ANXA8: variants seen among roughly 807,000 people sequenced by gnomAD.
The protein encoded by ANXA8 is VAC-beta.
ANXA8 carries 9 observed loss-of-function variants against 26.8 expected under a neutral mutation model. The ratio of observed to expected loss-of-function variants is 0.34; its 90% CI spans 0.20 to 0.59. The LOEUF (loss-of-function observed/expected upper bound fraction) is 0.59, where lower values mean the gene tolerates loss of function less well. ANXA8 is among the 20% of genes least tolerant of loss of function. The pLI is 0.84. For synonymous variants in ANXA8, 39 were observed against 94.8 expected, an observed-to-expected ratio of 0.41 and a Z score of 3.42; for missense variants, 83 against 238.5, an observed-to-expected ratio of 0.35 and a Z score of 4.29.
the ANXA8 span, among the ~76,000 whole-genome samples, chr10:47,513,126 C>T: frequency 1.3e-5 from 2 of 148,320 alleles, no homozygotes; most frequent in East Asian, 2.3e-4. Context: ...CCTCTGCCTC[C>T]GAGGTTCAAG....
At chr10:47,984,489 GTTC>G in the ANXA8 span, among the ~76,000 whole-genome samples, 3 of 121,930 alleles carry the variant, frequency 2.5e-5, no homozygotes, top group Non-Finnish European at 5.3e-5. Context: ...CACAATGTGT[GTTC>G]TTCTATTACA....
At chr10:47,722,953 TAA>T in the ANXA8 span, among the ~76,000 whole-genome samples, 1 of 138,782 alleles carries the variant, frequency 7.2e-6, no homozygotes, top group Non-Finnish European at 1.6e-5. Flanking sequence ...GATTGGTAGG[TAA>T]AGAGAGAGCA....
At chr10:47,716,385 C>T in the ANXA8 span, among the ~76,000 whole-genome samples, 1 of 105,314 alleles carries the variant, frequency 9.5e-6, no homozygotes, top group Non-Finnish European at 1.8e-5. Context: ...TATTATATGA[C>T]AAGTGGGAGC....
chr10:47,728,849 G>A, the ANXA8 span, among the ~76,000 whole-genome samples: 1 of 152,260 alleles, frequency 6.6e-6, no homozygotes, highest in African/African-American at 2.4e-5. Context: ...CTGCCTCCTG[G>A]ATTCAAGCAA....
chr10:47,609,164 A>G, the ANXA8 span, among the ~76,000 whole-genome samples: 2 of 144,380 alleles, frequency 1.4e-5, no homozygotes, highest in Non-Finnish European at 3.0e-5. Context: ...ATAATGCTTT[A>G]TTTCAAAGAA....
the ANXA8 span, among the ~76,000 whole-genome samples, chr10:47,605,945 A>AG: frequency 1.4e-5 from 2 of 146,794 alleles, no homozygotes; most frequent in East Asian, 3.9e-4. Flanking sequence ...AAAAAAAAAA[A>AG]ATCAAACATC....
At chr10:47,627,964 T>C in the ANXA8 span, among the ~76,000 whole-genome samples, 1 of 149,964 alleles carries the variant, frequency 6.7e-6, no homozygotes, top group Admixed American at 6.6e-5. Context: ...TCTGCTCTTA[T>C]GACTAGAGAG....
the ANXA8 span, among the ~76,000 whole-genome samples, chr10:47,921,757 C>G: frequency 6.6e-6 from 1 of 151,634 alleles, no homozygotes; most frequent in Non-Finnish European, 1.5e-5. Flanking sequence ...GTGCTTCTAA[C>G]AAGGTAGCAA....
Position 47,475,018 on chromosome 10 carries a change from A to T in ANXA8, c.493-14T>A. 4 of 1,533,674 alleles carry T rather than the reference A, an allele frequency of 2.6e-6. No individual in the cohort carries two copies. In the South Asian group the frequency reaches 4.7e-5, roughly 18 times the overall value. ...ATCCCTGCTGCCCTAGGAACAGAGG[A>T]GGTGGCTCTGTAAGGCAGGCCAGCT... On this transcript the variant is annotated splice_polypyrimidine_tract_variant and intron_variant, in intron 6 of 11. Coordinates refer to ENST00000585281, the MANE Select transcript of ANXA8 (RefSeq NM_001040084.3).
the ANXA8 span, chr10:47,922,084 C>T: frequency 5.7e-6 from 3 of 525,444 alleles, 1 homozygote; most frequent in Non-Finnish European, 8.3e-6. Flanking sequence ...CTTCTCTGAA[C>T]ATTGCCAGGA....
chr10:47,937,162 C>T, the ANXA8 span, among the ~76,000 whole-genome samples: 15,375 of 149,258 alleles, frequency 0.1, 1,356 homozygotes, highest in African/African-American at 0.22. Context: ...CCCCACCACC[C>T]AGAAGCTATG....
At chr10:47,648,026 T>C in the ANXA8 span, among the ~76,000 whole-genome samples, 92 of 152,002 alleles carry the variant, frequency 6.1e-4, 3 homozygotes, top group African/African-American at 2.0e-3. Context: ...GAGCTGAGGC[T>C]AGACCTCTGA....
chr10:47,623,829 A>G, the ANXA8 span, among the ~76,000 whole-genome samples: 2 of 105,908 alleles, frequency 1.9e-5, no homozygotes, highest in Middle Eastern at 4.7e-3. Flanking sequence ...TGCCTTCACA[A>G]CACTGTATAT....
the ANXA8 span, among the ~76,000 whole-genome samples, chr10:47,946,792 A>T: frequency 6.6e-6 from 1 of 151,438 alleles, no homozygotes; most frequent in Admixed American, 6.6e-5. Flanking sequence ...TCCCGGGTTC[A>T]GGCAATTCTC....
chr10:47,683,265 G>A, the ANXA8 span, among the ~76,000 whole-genome samples: 20 of 83,408 alleles, frequency 2.4e-4, no homozygotes, highest in Middle Eastern at 0.014. Flanking sequence ...GTCTCGCTTT[G>A]TTGCCCAGGC....
At chr10:47,706,809 A>C in the ANXA8 span, 2 of 958,658 alleles carry the variant, frequency 2.1e-6, no homozygotes, top group East Asian at 3.3e-5. Flanking sequence ...CTGAAGAAGC[A>C]AACTGCCCGT....
At chr10:47,703,185 T>C in the ANXA8 span, among the ~76,000 whole-genome samples, 1 of 151,888 alleles carries the variant, frequency 6.6e-6, no homozygotes, top group African/African-American at 2.4e-5. Context: ...TAAAGACATA[T>C]TTATTTCATT....
the ANXA8 span, among the ~76,000 whole-genome samples, chr10:47,929,071 T>G: frequency 1.5e-5 from 2 of 132,306 alleles, no homozygotes; most frequent in Non-Finnish European, 3.2e-5. Context: ...TGGCCTCAAG[T>G]GATCCTTCTG....
At chr10:47,649,774 G>A in the ANXA8 span, among the ~76,000 whole-genome samples, 2 of 140,270 alleles carry the variant, frequency 1.4e-5, no homozygotes, top group Non-Finnish European at 3.1e-5. Context: ...TGTTGCCCAG[G>A]CTGGAGTACA....
Sources: gnomAD v4.1 joint callset for allele counts (sites outside exome capture counted in the v4.1 genomes callset) on GRCh38, gnomAD v4.1.1 for gene constraint, MANE v1.5 for transcripts, NCBI Gene and HGNC (gene_info 2026-07-23, HGNC 2026-07-21) for gene names.